PHC2: variants seen among roughly 807,000 people sequenced by gnomAD.
PHC2 encodes polyhomeotic homolog 2, also known as polyhomeotic-like protein 2.
In PHC2, 29 loss-of-function variants were observed where a neutral mutation model predicts 87.4. The ratio of observed to expected loss-of-function variants is 0.33; its 90% CI spans 0.25 to 0.45. The LOEUF (loss-of-function observed/expected upper bound fraction) is 0.45, where lower values mean the gene tolerates loss of function less well. PHC2 is among the 20% of genes least tolerant of loss of function. The pLI, the probability that PHC2 is intolerant of heterozygous loss-of-function variation, is 1.00. For missense variants in PHC2, 857 were observed against 1,136.7 expected (o/e 0.75, Z 3.54); for synonymous variants, 438 against 461.7 (o/e 0.95, Z 0.66).
intron 1 of PHC2, among the ~76,000 whole-genome samples, chr1:33,386,328 C>CA (rs1648748130): frequency 1.3e-5 from 2 of 150,766 alleles, no homozygotes; most frequent in African/African-American, 4.9e-5. Flanking sequence ...CCAGCCTGGC[C>CA]AACATAGTGA....
At position 33,355,214 on chromosome 1, in the gene PHC2, G is replaced by A; in HGVS notation, c.1016C>T (p.Pro339Leu). The stretch of plus-strand genomic sequence containing the variant: ...TTGGGGCTGCAGGTGCTTTGAGGAT[G>A]GCTGTGGGAGGAGCTGGTGTGGCTG... Reference protein sequence around the residue: ...QLQPHQLLPQPSSKHLQPQFV... With the variant: ...QLQPHQLLPQLSSKHLQPQFV... The change falls in exon 8 of 15, where the codon CCA (proline) becomes CTA (leucine). Residue 339 changes from proline (P) to leucine (L), a missense_variant. Physicochemically the swap from Pro to Leu is moderately conservative, Grantham distance 98. This residue lies in a region of PHC2 where 832 missense variants were observed against 1,081.8 expected (regional missense o/e 0.77). Coordinates refer to ENST00000683057, the MANE Select transcript of PHC2 (RefSeq NM_001385109.1). 6 of 1,596,980 alleles carry A rather than the reference G, an allele frequency of 3.8e-6. No homozygotes were observed. Among genetic ancestry groups the A allele is most frequent in the Non-Finnish European group, 5.1e-6 (6 of 1,170,534 alleles).
At chr1:33,425,223 A>G (rs992973360) in intron 1 of PHC2, among the ~76,000 whole-genome samples, 1 of 152,222 alleles carries the variant, frequency 6.6e-6, no homozygotes, top group African/African-American at 2.4e-5. Context: ...GATAAAGATA[A>G]ATTCAAGAAG....
At chr1:33,344,479 T>G (rs140045317) in intron 9 of PHC2, among the ~76,000 whole-genome samples, 1 of 152,334 alleles carries the variant, frequency 6.6e-6, no homozygotes, top group Non-Finnish European at 1.5e-5. Context: ...CATGGAAACA[T>G]TACTCCTTTC....
rs530048409 is a variant in PHC2 at position 33,369,861 on chromosome 1, C to A, written c.576+560G>T. Among the ~76,000 whole-genome samples the A allele has an allele frequency of 8.5e-5, 13 of 152,184 alleles. No individual in the cohort carries two copies. Among genetic ancestry groups the A allele is most frequent in the Admixed American group, 5.9e-4 (9 of 15,288 alleles). ...TGGTAGGCTCCTAAGGACCTTTGCA[C>A]CCCTCAGGGATAGGTGCAAAGGAAA... is the stretch of plus-strand genomic sequence containing the variant. On this transcript the variant is annotated intron_variant, in intron 5 of 14. Coordinates refer to ENST00000683057, the MANE Select transcript of PHC2 (RefSeq NM_001385109.1). The surrounding 1 kb of genome is among the most constrained non-coding windows in gnomAD (Gnocchi z 4.7).
In PHC2 at chr1:33,349,300, C is replaced by T. The variant is rs1324318652; in HGVS notation, c.1558+5101G>A. The T allele has an allele frequency of 1.8e-5, 17 of 968,998 alleles. No individual in the cohort carries two copies. The highest frequency in any genetic ancestry group is 2.0e-5 in the Non-Finnish European group (16 of 817,434). 60.0% of individuals were successfully genotyped at this position (968,998 alleles called of 1,614,324 possible). On this transcript the variant is annotated intron_variant, in intron 9 of 14. Coordinates refer to ENST00000683057, the MANE Select transcript of PHC2 (RefSeq NM_001385109.1). This position sits in a 1 kb window ranked among gnomAD's most constrained non-coding sequence, Gnocchi z 4.2. ...AGGGAAGTCGCAGCGGCGGGGAGGCCGGTCCTAGGTTGGGGCTGGGGTGGG... is the reference window on the plus strand; with the variant it reads ...AGGGAAGTCGCAGCGGCGGGGAGGCTGGTCCTAGGTTGGGGCTGGGGTGGG...
In PHC2 at chr1:33,351,263, A is replaced by G. The variant is rs145531220; in HGVS notation, c.1558+3138T>C. On this transcript the variant is annotated intron_variant, in intron 9 of 14. Coordinates refer to ENST00000683057, the MANE Select transcript of PHC2 (RefSeq NM_001385109.1). ...TTGGAATTTCAGATAATTTTCATGT[A>G]TCATGAAATAGAATTCTTTTGATTT... Among the ~76,000 whole-genome samples, 116 of 152,342 alleles carry G rather than the reference A, an allele frequency of 7.6e-4. 1 individual carries two copies. In the East Asian group the frequency reaches 0.019, roughly 25 times the overall value.
chr1:33,337,391 A>G (rs1646662059), intron 9 of PHC2, among the ~76,000 whole-genome samples: 1 of 152,204 alleles, frequency 6.6e-6, no homozygotes, highest in Non-Finnish European at 1.5e-5. Flanking sequence ...ATTTCTGCCC[A>G]GTTATCCTCG....
chr1:33,383,853 C>T (rs1648610253), intron 1 of PHC2, among the ~76,000 whole-genome samples: 1 of 152,094 alleles, frequency 6.6e-6, no homozygotes, highest in Non-Finnish European at 1.5e-5. Flanking sequence ...CTGCCACCAG[C>T]CAAAGAACAC....
chr1:33,384,306 G>A (rs1055654176), intron 1 of PHC2, among the ~76,000 whole-genome samples: 1 of 152,156 alleles, frequency 6.6e-6, no homozygotes, highest in Admixed American at 6.5e-5. Flanking sequence ...GATGAAGCAT[G>A]AGAGCCACTG....
intron 12 of PHC2, among the ~76,000 whole-genome samples, chr1:33,330,420 T>C (rs1570441921): frequency 6.6e-6 from 1 of 152,222 alleles, no homozygotes; most frequent in Non-Finnish European, 1.5e-5. Context: ...TTGGGGGTAA[T>C]ACCACTCACT....
At chr1:33,411,039 A>G (rs1557847404) in intron 1 of PHC2, among the ~76,000 whole-genome samples, 1 of 152,178 alleles carries the variant, frequency 6.6e-6, no homozygotes, top group Non-Finnish European at 1.5e-5. Context: ...AGTGCAAAAT[A>G]ATTTCTAAAT....
chr1:33,375,220 C>A (rs1648101646), intron 2 of PHC2, 146 bp downstream of exon 2: 1 of 643,304 alleles, frequency 1.6e-6, no homozygotes, highest in African/African-American at 1.9e-5. Context: ...TGTAACTATA[C>A]ACAAATGTGT....
intron 14 of PHC2, chr1:33,325,253 C>G: frequency 4.0e-6 from 2 of 501,330 alleles, no homozygotes; most frequent in East Asian, 6.7e-5. Context: ...TGTTCAGACC[C>G]CTGCTCCATG....
chr1:33,372,632 T>G (rs1472388508), intron 2 of PHC2, among the ~76,000 whole-genome samples, 185 bp from the exon 3 acceptor site: 2 of 151,292 alleles, frequency 1.3e-5, no homozygotes, highest in East Asian at 1.9e-4. Flanking sequence ...TCGCAGAGCT[T>G]CTTCATCATG....
At chr1:33,381,179 A>C (rs1310373401) in intron 1 of PHC2, among the ~76,000 whole-genome samples, 1 of 152,170 alleles carries the variant, frequency 6.6e-6, no homozygotes, top group Non-Finnish European at 1.5e-5. Context: ...CTGCTCCCAG[A>C]GCACTCTGTG....
chr1:33,392,658 C>T (rs1208219963), intron 1 of PHC2: 2 of 152,072 alleles, frequency 1.3e-5, no homozygotes, highest in African/African-American at 4.8e-5. Flanking sequence ...AGTAAAGAGC[C>T]CAACCCAAAG....
chr1:33,325,580 C>T (rs905212558), intron 14 of PHC2: 18 of 267,684 alleles, frequency 6.7e-5, no homozygotes, highest in Admixed American at 9.3e-5. Context: ...AACTCATACA[C>T]TGGGTCTGTG....
At chr1:33,424,412 T>C (rs1650585582) in intron 1 of PHC2, among the ~76,000 whole-genome samples, 1 of 152,188 alleles carries the variant, frequency 6.6e-6, no homozygotes, top group Non-Finnish European at 1.5e-5. Flanking sequence ...CTGTAAAAAT[T>C]CCTGCGAGGT....
At chr1:33,370,343 T>TCCAGCTC (rs1168387207) in intron 5 of PHC2, 78 bp downstream of exon 5, 3 of 1,404,268 alleles carry the variant, frequency 2.1e-6, no homozygotes, top group East Asian at 2.4e-5. Flanking sequence ...CCCACCCTTC[T>TCCAGCTC]CCAGCTCCCA....
Sources: gnomAD v4.1 joint callset for allele counts (sites outside exome capture counted in the v4.1 genomes callset) on GRCh38, gnomAD v4.1.1 for gene constraint, gnomAD v4.1.1 regional missense constraint, Gnocchi (gnomAD v3.1) non-coding constraint, MANE v1.5 for transcripts, NCBI Gene and HGNC (gene_info 2026-07-23, HGNC 2026-07-21) for gene names.